The following MTF1 variants were observed in gnomAD, a reference collection of about 807,000 sequenced individuals.
MTF1 encodes the protein MRE-binding transcription factor.
Under a neutral mutation model 70.4 loss-of-function variants are expected in MTF1, and 22 were observed. The observed-to-expected ratio is 0.31, with a 90% CI of 0.22 to 0.45. The LOEUF (loss-of-function observed/expected upper bound fraction) is 0.45. Among genes scored for constraint, MTF1 ranks in the 20% least tolerant of loss-of-function variants. The pLI, the probability that MTF1 is intolerant of heterozygous loss-of-function variation, is 1.00. For missense variants in MTF1, 649 were observed against 922.0 expected (o/e 0.70, Z 3.83); for synonymous variants, 333 against 352.8 (o/e 0.94, Z 0.63).
At chr1:37,829,701 C>T (rs763456579) in intron 7 of MTF1, among the ~76,000 whole-genome samples, 2 of 151,572 alleles carry the variant, frequency 1.3e-5, no homozygotes, top group Non-Finnish European at 2.9e-5. Context: ...AGGAGAATGG[C>T]GTGAACCCAG....
chr1:37,815,375 C>A lies in MTF1; in HGVS notation c.2023G>T (p.Ala675Ser). 1.2e-6 allele frequency: 2 copies of A among 1,614,142 alleles called. No individual in the cohort carries two copies. The highest frequency in any genetic ancestry group is 1.7e-6 in the Non-Finnish European group (2 of 1,180,022). ...APDGPSLQLP[A>S]QTFSSAPVPG... The stretch of plus-strand genomic sequence containing the variant: ...ACAGGGGCTGAAGAGAAAGTCTGCG[C>A]TGGGAGCTGCAGGCTGGGCCCATCA... The change falls in exon 11 of 11, where the codon GCG (alanine) becomes TCG (serine). Residue 675 changes from alanine (A) to serine (S), a missense_variant. Physicochemically the swap from Ala to Ser is moderately conservative, Grantham distance 99. Transcript: ENST00000373036. The surrounding 1 kb of genome is among the most constrained non-coding windows in gnomAD (Gnocchi z 4.5).
At chr1:37,824,572 C>T (rs1640972254) in intron 7 of MTF1, among the ~76,000 whole-genome samples, 1 of 152,140 alleles carries the variant, frequency 6.6e-6, no homozygotes, top group Non-Finnish European at 1.5e-5. Flanking sequence ...GTGGCAGGCG[C>T]CTGTAATCCC....
intron 2 of MTF1, among the ~76,000 whole-genome samples, chr1:37,850,240 C>CAA (rs5773605): frequency 2.1e-3 from 138 of 66,210 alleles, no homozygotes; most frequent in East Asian, 4.2e-3. Context: ...CTGTCTCAAC[C>CAA]AAAAAAAAAA....
intron 9 of MTF1, among the ~76,000 whole-genome samples, chr1:37,821,572 T>G (rs915822730): frequency 2.6e-5 from 4 of 152,196 alleles, no homozygotes; most frequent in African/African-American, 9.7e-5. Flanking sequence ...CTTTCAAAGT[T>G]GTGAGATTGG....
chr1:37,818,809 ACG>A (rs1640862890), intron 9 of MTF1, among the ~76,000 whole-genome samples: 1 of 151,328 alleles, frequency 6.6e-6, no homozygotes, highest in Admixed American at 6.6e-5. Flanking sequence ...CCTGGCTAAT[ACG>A]GTGAAACCCC....
intron 9 of MTF1, 104 bp downstream of exon 9, chr1:37,822,017 G>C (rs1038031824): frequency 2.8e-5 from 24 of 860,878 alleles, no homozygotes; most frequent in Middle Eastern, 2.9e-4. Flanking sequence ...CATGTTTCAC[G>C]GTGGATATGA....
chr1:37,845,357 G>A (rs1387842116), intron 2 of MTF1, among the ~76,000 whole-genome samples: 1 of 152,042 alleles, frequency 6.6e-6, no homozygotes, highest in East Asian at 1.9e-4. Context: ...CACTGGAATG[G>A]TAGGAACAGA....
At chr1:37,853,279 G>A (rs1414021531) in intron 2 of MTF1, among the ~76,000 whole-genome samples, 1 of 152,134 alleles carries the variant, frequency 6.6e-6, no homozygotes, top group Non-Finnish European at 1.5e-5. Flanking sequence ...CCCATAGAAG[G>A]TTACCACTGC....
chr1:37,823,317 C>A (rs1412945819), intron 8 of MTF1, among the ~76,000 whole-genome samples: 1 of 152,020 alleles, frequency 6.6e-6, no homozygotes, highest in Non-Finnish European at 1.5e-5. Context: ...GTAGCACGTG[C>A]CTGTGGTCCC....
intron 2 of MTF1, among the ~76,000 whole-genome samples, chr1:37,853,805 T>C (rs1641451826): frequency 6.6e-6 from 1 of 152,252 alleles, no homozygotes; most frequent in Non-Finnish European, 1.5e-5. Flanking sequence ...CCTTCACATT[T>C]ACCACACTGT....
At chr1:37,824,408 A>G (rs1048425035) in intron 7 of MTF1, among the ~76,000 whole-genome samples, 24 of 152,204 alleles carry the variant, frequency 1.6e-4, no homozygotes, top group African/African-American at 5.5e-4. Flanking sequence ...TTAAAAAATG[A>G]GATTACAGGC....
chr1:37,858,643 CTTA>C (rs1341973414), intron 1 of MTF1: 4 of 152,106 alleles, frequency 2.6e-5, no homozygotes, highest in Admixed American at 1.3e-4. Flanking sequence ...TCAATTGAGT[CTTA>C]TTATTTTTGT....
In MTF1 at chr1:37,857,724, A is replaced by G; in HGVS notation, c.-51-15T>C. On this transcript the variant is annotated splice_polypyrimidine_tract_variant and intron_variant, in intron 1 of 10. Coordinates refer to ENST00000373036, the MANE Select transcript of MTF1 (RefSeq NM_005955.3). ...TAATGACTTGTCTGCAACAGAACAA[A>G]GCCAGAGTTAGAGTCATACCACAAG... The G allele has an allele frequency of 6.6e-7, 1 of 1,525,894 alleles. No homozygotes were observed. The highest frequency in any genetic ancestry group is 9.0e-7 in the Non-Finnish European group (1 of 1,117,000). 94.5% of individuals were successfully genotyped at this position (1,525,894 alleles called of 1,614,324 possible). A position where few individuals can be genotyped will look rare whatever the true frequency, so the allele number is the denominator to read the frequency against.
chr1:37,850,667 G>C (rs1317156282), intron 2 of MTF1, among the ~76,000 whole-genome samples: 1 of 152,176 alleles, frequency 6.6e-6, no homozygotes, highest in East Asian at 1.9e-4. Context: ...ATTCGAGTCA[G>C]AATGACCAGC....
chr1:37,828,028 T>TATATTCACTTAGTGTA (rs1641030527), intron 7 of MTF1, among the ~76,000 whole-genome samples: 1 of 152,182 alleles, frequency 6.6e-6, no homozygotes, highest in Non-Finnish European at 1.5e-5. Context: ...TGTATTGTGG[T>TATATTCACTTAGTGTA]ATATTCACTT....
intron 7 of MTF1, among the ~76,000 whole-genome samples, chr1:37,828,611 G>A (rs536484139): frequency 2.1e-3 from 316 of 152,292 alleles, no homozygotes; most frequent in Middle Eastern, 6.8e-3. Flanking sequence ...GGCTGGGAAT[G>A]TTCTTTTTGA....
intron 2 of MTF1, among the ~76,000 whole-genome samples, chr1:37,853,232 T>C (rs949770971): frequency 1.3e-5 from 2 of 152,214 alleles, no homozygotes; most frequent in African/African-American, 4.8e-5. Flanking sequence ...ACACCTCCAA[T>C]GGTTTCCCAC....
intron 3 of MTF1, among the ~76,000 whole-genome samples, chr1:37,839,352 T>C (rs1209869014): frequency 6.6e-6 from 1 of 152,180 alleles, no homozygotes. Context: ...TGTGCTTCCA[T>C]TTACTTATCA....
Position 37,810,095 on chromosome 1 carries a change from A to G in MTF1, c.*5041T>C, listed in dbSNP as rs193159146. Reference sequence around the variant, plus strand: ...TCTGACCCCCACCCCCACATTCTCCAAAACACAACGAAGGATGTAGACTGT... The same window carrying G: ...TCTGACCCCCACCCCCACATTCTCCGAAACACAACGAAGGATGTAGACTGT... On this transcript the variant is annotated 3_prime_UTR_variant, in exon 11 of 11. Transcript: ENST00000373036. 6.6e-6 allele frequency: 1 copy of G among 152,410 alleles called. No homozygotes were observed. Among genetic ancestry groups the G allele is most frequent in the Non-Finnish European group, 1.5e-5 (1 of 68,066 alleles). 9.4% of individuals were successfully genotyped at this position (152,410 alleles called of 1,614,324 possible). A position where few individuals can be genotyped will look rare whatever the true frequency, so the allele number is the denominator to read the frequency against.
Sources: allele counts gnomAD v4.1 joint callset (sites outside exome capture counted in the v4.1 genomes callset), GRCh38; gene constraint gnomAD v4.1.1; non-coding constraint Gnocchi (gnomAD v3.1); transcripts MANE v1.5; gene names NCBI Gene and HGNC (gene_info 2026-07-23, HGNC 2026-07-21).